LRRC37A2: variants seen among roughly 807,000 people sequenced by gnomAD.
The protein encoded by LRRC37A2 is leucine rich repeat containing 37 member A2.
Under a neutral mutation model 68.8 loss-of-function variants are expected in LRRC37A2, and 9 were observed. That is an observed-to-expected ratio of 0.13 (90% confidence interval 0.08 to 0.23). The LOEUF (loss-of-function observed/expected upper bound fraction) is 0.23. Ranked by LOEUF, LRRC37A2 falls within the 10% of genes least tolerant of loss-of-function variation. The pLI is 1.00. For synonymous variants in LRRC37A2, 63 were observed against 367.6 expected (o/e 0.17, Z 9.48); for missense variants, 168 against 950.4 (o/e 0.18, Z 10.82).
At chr17:46,789,722 G>A in the LRRC37A2 span, among the ~76,000 whole-genome samples, 4 of 152,230 alleles carry the variant, frequency 2.6e-5, no homozygotes, top group African/African-American at 9.6e-5. Context: ...TGGGCACTTT[G>A]AGGCCACAGT....
the LRRC37A2 span, among the ~76,000 whole-genome samples, chr17:46,774,251 C>A: frequency 6.6e-6 from 1 of 152,258 alleles, no homozygotes; most frequent in East Asian, 1.9e-4. Flanking sequence ...GGTTCTGGGT[C>A]CAGCTTCCCT....
At chr17:46,796,040 C>T in the LRRC37A2 span, among the ~76,000 whole-genome samples, 3 of 152,024 alleles carry the variant, frequency 2.0e-5, no homozygotes, top group Non-Finnish European at 4.4e-5. Context: ...TAAAAAGAAA[C>T]AGAGGAGCTG....
the LRRC37A2 span, chr17:46,884,886 G>A: frequency 3.1e-6 from 1 of 325,290 alleles, no homozygotes; most frequent in South Asian, 2.3e-5. Flanking sequence ...TCCTATATTT[G>A]CTTCCTGACT....
chr17:46,950,663 G>A, the LRRC37A2 span, among the ~76,000 whole-genome samples: 2 of 152,146 alleles, frequency 1.3e-5, no homozygotes, highest in Admixed American at 1.3e-4. Context: ...ACAGGATGGG[G>A]CTGCCCCACC....
the LRRC37A2 span, chr17:46,768,213 T>A: frequency 6.5e-7 from 1 of 1,547,926 alleles, no homozygotes; most frequent in Non-Finnish European, 8.8e-7. This position sits in a 1 kb window ranked among gnomAD's most constrained non-coding sequence, Gnocchi z 5.0. Flanking sequence ...CTTGGATAGC[T>A]TAGAAACAGA....
chr17:46,460,191 A>AG, the LRRC37A2 span, among the ~76,000 whole-genome samples: 2 of 73,878 alleles, frequency 2.7e-5, no homozygotes, highest in Non-Finnish European at 6.0e-5. Context: ...GCCCCTAAGG[A>AG]GGGGACACCT....
the LRRC37A2 span, among the ~76,000 whole-genome samples, chr17:46,810,641 G>T: frequency 1.3e-5 from 2 of 152,090 alleles, no homozygotes; most frequent in Non-Finnish European, 2.9e-5. Flanking sequence ...TGTGTGTAGA[G>T]TTTAGAGCTC....
the LRRC37A2 span, among the ~76,000 whole-genome samples, chr17:47,011,228 G>A: frequency 6.6e-6 from 1 of 152,130 alleles, no homozygotes; most frequent in Non-Finnish European, 1.5e-5. Context: ...GACAGAAACA[G>A]CCCCAGATTT....
the LRRC37A2 span, among the ~76,000 whole-genome samples, chr17:46,697,611 AG>A: frequency 7.0e-6 from 1 of 142,606 alleles, no homozygotes; most frequent in African/African-American, 2.7e-5. Flanking sequence ...TTCTAGCTCA[AG>A]AATGCCAAAG....
the LRRC37A2 span, among the ~76,000 whole-genome samples, chr17:46,734,487 A>G: frequency 1.3e-5 from 2 of 152,082 alleles, no homozygotes; most frequent in African/African-American, 4.8e-5. Flanking sequence ...CTCTTTAGGT[A>G]TACTTTGCTT....
At chr17:46,909,760 A>C in the LRRC37A2 span, 1 of 152,292 alleles carries the variant, frequency 6.6e-6, no homozygotes. Context: ...TAAGCCTAGT[A>C]TTTATTAGTT....
At chr17:46,753,645 A>G in the LRRC37A2 span, among the ~76,000 whole-genome samples, 1 of 151,568 alleles carries the variant, frequency 6.6e-6, no homozygotes, top group Non-Finnish European at 1.5e-5. Context: ...AACTATGTGG[A>G]TTTTTTCCCC....
the LRRC37A2 span, among the ~76,000 whole-genome samples, chr17:46,907,008 T>C: frequency 6.6e-6 from 1 of 152,212 alleles, no homozygotes; most frequent in Non-Finnish European, 1.5e-5. Flanking sequence ...GTATAAGTTG[T>C]AAAGAGTAAG....
the LRRC37A2 span, among the ~76,000 whole-genome samples, chr17:46,758,764 G>T: frequency 1.3e-5 from 2 of 152,200 alleles, no homozygotes; most frequent in Non-Finnish European, 2.9e-5. Flanking sequence ...GGAGTAGATT[G>T]AAGTGTGTAC....
the LRRC37A2 span, among the ~76,000 whole-genome samples, chr17:46,774,504 T>C: frequency 6.6e-6 from 1 of 152,262 alleles, no homozygotes; most frequent in Non-Finnish European, 1.5e-5. Flanking sequence ...CATGACCATC[T>C]TTCCAGTTTC....
At chr17:46,857,526 A>C in the LRRC37A2 span, among the ~76,000 whole-genome samples, 1 of 151,574 alleles carries the variant, frequency 6.6e-6, no homozygotes, top group African/African-American at 2.4e-5. Context: ...GTTTTGGACT[A>C]TTCCAAATAA....
the LRRC37A2 span, among the ~76,000 whole-genome samples, chr17:46,709,668 T>C: frequency 1.1e-4 from 17 of 152,042 alleles, no homozygotes; most frequent in Non-Finnish European, 2.1e-4. Context: ...CTAATTTTTG[T>C]ATTTTTAGTA....
the LRRC37A2 span, among the ~76,000 whole-genome samples, chr17:46,845,096 G>A: frequency 2.0e-5 from 3 of 152,158 alleles, no homozygotes; most frequent in East Asian, 1.9e-4. Flanking sequence ...TGATCCACTC[G>A]CCTCGGCCTC....
At chr17:46,605,995 C>CA in the LRRC37A2 span, among the ~76,000 whole-genome samples, 75 of 51,050 alleles carry the variant, frequency 1.5e-3, 2 homozygotes, top group African/African-American at 5.8e-3. Flanking sequence ...ACTAAAAATA[C>CA]AAAAAAAAAA....
Sources: gnomAD v4.1 joint callset for allele counts (sites outside exome capture counted in the v4.1 genomes callset) on GRCh38, gnomAD v4.1.1 for gene constraint, Gnocchi (gnomAD v3.1) non-coding constraint, MANE v1.5 for transcripts, NCBI Gene and HGNC (gene_info 2026-07-23, HGNC 2026-07-21) for gene names.